NEBL: variants seen among roughly 807,000 people sequenced by gnomAD.
NEBL encodes nebulette.
In NEBL, 122 loss-of-function variants were observed where a neutral mutation model predicts 140.2. The ratio of observed to expected loss-of-function variants is 0.87; its 90% confidence interval spans 0.75 to 1.01. NEBL has a LOEUF of 1.01. Ranked by LOEUF, NEBL falls within the 50% of genes least tolerant of loss-of-function variation. The probability of loss-of-function intolerance (pLI) is 0.00; values close to 1 mark genes in which losing one functional copy is unlikely to be tolerated. For synonymous variants in NEBL, 436 were observed against 398.9 expected (o/e 1.09, Z -1.11); for missense variants, 1,365 against 1,231.3 (o/e 1.11, Z -1.62).
chr10:20,976,056 T>C (rs1435282928), intron 3 of NEBL, among the ~76,000 whole-genome samples: 4 of 151,960 alleles, frequency 2.6e-5, no homozygotes, highest in African/African-American at 7.2e-5. Flanking sequence ...AGATTTCAGC[T>C]GGGTATGGTG....
chr10:20,855,477 T>C (rs1044278386), intron 9 of NEBL, among the ~76,000 whole-genome samples: 6 of 150,258 alleles, frequency 4.0e-5, no homozygotes, highest in Non-Finnish European at 7.4e-5. Flanking sequence ...TTATCGATTT[T>C]AGTTACAAAG....
At chr10:20,822,167 T>C (rs1317570832) in intron 19 of NEBL, among the ~76,000 whole-genome samples, 1 of 152,178 alleles carries the variant, frequency 6.6e-6, no homozygotes, top group Non-Finnish European at 1.5e-5. Flanking sequence ...CATAGCTATA[T>C]ACTCCTATCT....
chr10:20,873,272 A>T (rs1280962119), intron 5 of NEBL, among the ~76,000 whole-genome samples: 1 of 152,190 alleles, frequency 6.6e-6, no homozygotes, highest in African/African-American at 2.4e-5. Flanking sequence ...GGAACAGTGG[A>T]CTGGCCTTCA....
At chr10:20,899,335 C>T, upstream of NEBL, 1 of 1,152,250 alleles carries the variant, frequency 8.7e-7, no homozygotes. Context: ...GGAGACAGTA[C>T]TGGTGTTACT....
chr10:20,938,783 T>C (rs1834662118), intron 4 of NEBL, among the ~76,000 whole-genome samples: 1 of 152,014 alleles, frequency 6.6e-6, no homozygotes, highest in Admixed American at 6.6e-5. Flanking sequence ...AACAACTACG[T>C]GACGAATGCA....
chr10:20,926,200 A>G (rs146728104), intron 4 of NEBL, among the ~76,000 whole-genome samples: 3 of 152,316 alleles, frequency 2.0e-5, no homozygotes, highest in African/African-American at 7.2e-5. Flanking sequence ...GTTCCCTTTC[A>G]CCAGGGACAG....
intron 4 of NEBL, 103 bp downstream of exon 4, chr10:20,887,994 A>T: frequency 1.2e-6 from 1 of 814,852 alleles, no homozygotes; most frequent in Non-Finnish European, 2.1e-6. Context: ...TTCATTTGGT[A>T]TTTAACACCC....
intron 4 of NEBL, among the ~76,000 whole-genome samples, chr10:20,912,881 C>CTTTTTTT (rs397847147): frequency 8.5e-6 from 1 of 117,836 alleles, no homozygotes. Flanking sequence ...TATGCCAATT[C>CTTTTTTT]TTTTTTTTTT....
In NEBL at chr10:20,804,770, T is replaced by G. The variant is rs61375387; in HGVS notation, c.2761+3740A>C. On this transcript the variant is annotated intron_variant, in intron 26 of 27. Coordinates refer to ENST00000377122, the MANE Select transcript of NEBL (RefSeq NM_006393.3). The stretch of plus-strand genomic sequence containing the variant: ...ATGGCAGAAAATTAGTTCAGAGCAG[T>G]GACCGGGGCCCAAGATCAGATATGG... 2.5e-3 allele frequency among the ~76,000 whole-genome samples: 375 copies of G among 152,232 alleles called. 9 individuals carry two copies. In the East Asian group the frequency reaches 0.064, roughly 26 times the overall value.
intron 4 of NEBL, among the ~76,000 whole-genome samples, chr10:20,909,212 C>G (rs1588993944): frequency 6.6e-6 from 1 of 151,806 alleles, no homozygotes; most frequent in African/African-American, 2.4e-5. Flanking sequence ...GACAGTCACC[C>G]TGTTGCTATC....
At position 21,009,801 on chromosome 10, in the gene NEBL, G is replaced by T. The variant is rs533772859; in HGVS notation, c.249+10316C>A. 1.8e-3 allele frequency among the ~76,000 whole-genome samples: 268 copies of T among 152,274 alleles called. 1 individual carries two copies. The highest frequency in any genetic ancestry group is 6.1e-3 in the African/African-American group (255 of 41,548). On this transcript the variant is annotated intron_variant, in intron 3 of 6. Coordinates refer to the NEBL transcript ENST00000417816. ...GTGGGAAGGTCCTTCTGAAGCTAAT[G>T]GGTGCTCTAAACAAAGTTCTGAGGT...
chr10:21,283,360 C>A (rs1198041931), intron 1 of NEBL, among the ~76,000 whole-genome samples: 3 of 152,160 alleles, frequency 2.0e-5, no homozygotes, highest in Admixed American at 6.5e-5. Context: ...CAAGAAATAA[C>A]CATAAAAACG....
chr10:21,249,228 G>A (rs775494543), intron 2 of NEBL, among the ~76,000 whole-genome samples: 16 of 151,962 alleles, frequency 1.1e-4, no homozygotes, highest in East Asian at 1.9e-4. Context: ...ACTTTTTGTC[G>A]TTGAATCTTA....
intron 2 of NEBL, among the ~76,000 whole-genome samples, chr10:21,157,370 G>A (rs1840376329): frequency 6.6e-6 from 1 of 152,120 alleles, no homozygotes; most frequent in African/African-American, 2.4e-5. Context: ...AGGAGTTCAA[G>A]ACCAGCCTGG....
intron 3 of NEBL, among the ~76,000 whole-genome samples, chr10:21,202,461 CTTTTTTT>C (rs35623208): frequency 4.0e-4 from 47 of 117,308 alleles, no homozygotes; most frequent in South Asian, 5.5e-4. Flanking sequence ...TTTTCTTTTT[CTTTTTTT>C]TTTTTTTTTT....
intron 3 of NEBL, among the ~76,000 whole-genome samples, chr10:20,988,911 A>T (rs1032452390): frequency 1.3e-4 from 20 of 152,228 alleles, no homozygotes; most frequent in Non-Finnish European, 2.8e-4. Context: ...CCTTCACTTG[A>T]CTGCATCCCA....
chr10:21,266,383 C>A (rs1842797080), intron 1 of NEBL, among the ~76,000 whole-genome samples: 1 of 152,198 alleles, frequency 6.6e-6, no homozygotes, highest in South Asian at 2.1e-4. Flanking sequence ...CTCAAGCAAC[C>A]CACCCAACTT....
chr10:21,211,656 C>G lies in NEBL; in HGVS notation n.348+36265G>C, dbSNP rs369167233. On this transcript the variant is annotated intron_variant and non_coding_transcript_variant, in intron 3 of 8. Transcript: ENST00000675702. ...GCCATCTCCTCTTGAACAGAGATGC[C>G]AAACCCAGTTACGTCAACTTCAAAA... Among the ~76,000 whole-genome samples the G allele has an allele frequency of 1.6e-4, 24 of 152,218 alleles. No homozygotes were observed. The East Asian group carries it at 4.3e-3, about 27-fold the overall frequency.
At chr10:21,097,539 T>G (rs560628843) in intron 2 of NEBL, among the ~76,000 whole-genome samples, 24 of 152,324 alleles carry the variant, frequency 1.6e-4, no homozygotes, top group Non-Finnish European at 2.9e-4. Context: ...GACCTCCATT[T>G]CAGCATGGCT....
Sources: gnomAD v4.1 joint callset for allele counts (sites outside exome capture counted in the v4.1 genomes callset) on GRCh38, gnomAD v4.1.1 for gene constraint, MANE v1.5 for transcripts, NCBI Gene and HGNC (gene_info 2026-07-23, HGNC 2026-07-21) for gene names.